The following GNAQ variants were observed in gnomAD, a reference collection of about 807,000 sequenced individuals.
GNAQ encodes the protein guanine nucleotide-binding protein G(q) subunit alpha.
In GNAQ, 8 loss-of-function variants were observed where a neutral mutation model predicts 43.9. That is an observed-to-expected ratio of 0.18 (90% confidence interval 0.11 to 0.33). The LOEUF is 0.33. Among genes scored for constraint, GNAQ ranks in the 10% least tolerant of loss-of-function variants. The pLI is 1.00. For synonymous variants in GNAQ, 155 were observed against 170.7 expected (o/e 0.91, Z 0.71); for missense variants, 158 against 450.8 (o/e 0.35, Z 5.88).
chr9:77,755,044 G>A (rs571084307), intron 5 of GNAQ, among the ~76,000 whole-genome samples: 55 of 152,246 alleles, frequency 3.6e-4, no homozygotes, highest in Admixed American at 7.2e-4. Context: ...GAGTACTACT[G>A]TGCCTTAAAA....
chr9:78,001,064 C>A (rs1823637416), intron 1 of GNAQ, among the ~76,000 whole-genome samples: 1 of 152,126 alleles, frequency 6.6e-6, no homozygotes, highest in African/African-American at 2.4e-5. Context: ...TTGACAACAA[C>A]TTCTATAAAA....
intron 2 of GNAQ, among the ~76,000 whole-genome samples, chr9:77,889,922 T>A (rs12343622): frequency 1.3e-5 from 2 of 152,192 alleles, no homozygotes; most frequent in Non-Finnish European, 1.5e-5. Flanking sequence ...TCCGAAATGT[T>A]TGTCAAAGTC....
At chr9:77,986,206 T>C (rs1823434015) in intron 1 of GNAQ, among the ~76,000 whole-genome samples, 1 of 152,200 alleles carries the variant, frequency 6.6e-6, no homozygotes, top group South Asian at 2.1e-4. Context: ...GCTGTTTACA[T>C]ACAGATTTCC....
chr9:77,814,030 A>T (rs993888198), intron 3 of GNAQ, among the ~76,000 whole-genome samples: 5 of 152,112 alleles, frequency 3.3e-5, no homozygotes, highest in Non-Finnish European at 7.4e-5. Context: ...CAGACAGGAG[A>T]GACATAATGA....
chr9:77,763,685 T>A (rs919801064), intron 5 of GNAQ, among the ~76,000 whole-genome samples: 3 of 152,244 alleles, frequency 2.0e-5, no homozygotes, highest in African/African-American at 7.2e-5. Context: ...TTACTGTGAA[T>A]ACGACTGAGC....
chr9:77,838,186 C>T (rs1187490536), intron 2 of GNAQ, among the ~76,000 whole-genome samples: 1 of 143,942 alleles, frequency 6.9e-6, no homozygotes, highest in East Asian at 2.1e-4. Context: ...TCTTGTTGCC[C>T]AAGCTGGAGT....
intron 2 of GNAQ, among the ~76,000 whole-genome samples, chr9:77,889,014 T>G (rs944372271): frequency 2.8e-4 from 42 of 152,174 alleles, no homozygotes; most frequent in African/African-American, 1.0e-3. Flanking sequence ...CCCAGTTTCC[T>G]TTGAAGCACC....
At chr9:77,758,230 TTC>T (rs1398211337) in intron 5 of GNAQ, among the ~76,000 whole-genome samples, 1 of 152,228 alleles carries the variant, frequency 6.6e-6, no homozygotes, top group African/African-American at 2.4e-5. Flanking sequence ...AAATTAGTCT[TTC>T]CTCAAATTAA....
At chr9:77,976,049 G>C (rs188754003) in intron 1 of GNAQ, among the ~76,000 whole-genome samples, 129 of 152,300 alleles carry the variant, frequency 8.5e-4, no homozygotes, top group African/African-American at 3.0e-3. Flanking sequence ...TGTTATGCCA[G>C]TTGCTAGCAA....
At chr9:77,894,990 C>T (rs917824672) in intron 2 of GNAQ, among the ~76,000 whole-genome samples, 4 of 151,326 alleles carry the variant, frequency 2.6e-5, no homozygotes, top group African/African-American at 9.7e-5. Context: ...GAGATTGAGA[C>T]CATCTTGGCT....
intron 5 of GNAQ, among the ~76,000 whole-genome samples, chr9:77,748,291 A>G (rs1162590436): frequency 6.6e-6 from 1 of 152,226 alleles, no homozygotes; most frequent in African/African-American, 2.4e-5. Context: ...ATTTCAAAGT[A>G]CTGAAAACCT....
intron 4 of GNAQ, among the ~76,000 whole-genome samples, chr9:77,795,331 C>T (rs1826640340): frequency 6.6e-6 from 1 of 152,174 alleles, no homozygotes; most frequent in South Asian, 2.1e-4. Flanking sequence ...CCAACACTGA[C>T]ATCAATTAAT....
chr9:77,811,019 G>C (rs1185639706), intron 3 of GNAQ, among the ~76,000 whole-genome samples: 2 of 152,080 alleles, frequency 1.3e-5, no homozygotes, highest in Non-Finnish European at 2.9e-5. Flanking sequence ...CGCTTGCACT[G>C]AATCTCACAA....
chr9:77,776,626 A>C (rs1043179826), intron 5 of GNAQ, among the ~76,000 whole-genome samples: 4 of 152,218 alleles, frequency 2.6e-5, no homozygotes, highest in Non-Finnish European at 5.9e-5. Flanking sequence ...AGAAACAGAC[A>C]ATTCAACAAC....
intron 5 of GNAQ, among the ~76,000 whole-genome samples, chr9:77,789,194 A>T (rs1826528865): frequency 6.6e-6 from 1 of 152,174 alleles, no homozygotes; most frequent in South Asian, 2.1e-4. Flanking sequence ...ATTTTATCCC[A>T]CTGGGCATGG....
At chr9:77,804,277 A>G (rs887484232) in intron 3 of GNAQ, among the ~76,000 whole-genome samples, 4 of 152,228 alleles carry the variant, frequency 2.6e-5, no homozygotes, top group African/African-American at 9.6e-5. Context: ...TAAAAATTCA[A>G]GTGCTTTGTT....
intron 2 of GNAQ, among the ~76,000 whole-genome samples, chr9:77,854,729 G>A (rs767296894): frequency 2.6e-5 from 4 of 152,126 alleles, no homozygotes; most frequent in Non-Finnish European, 5.9e-5. Context: ...AACTCTGCTG[G>A]AGCAGTGTAC....
In GNAQ at chr9:77,720,734, CTA is replaced by C. The variant is rs997424524; in HGVS notation, c.*587_*588del. ...ACAGTATATTCTATTAAAAAAGAAA[CTA>C]TGTGTGTATCCAAAGCAACACATTT... On this transcript the variant is annotated 3_prime_UTR_variant, in exon 7 of 7. Transcript: ENST00000286548. 1.7e-5 allele frequency: 4 copies of C among 233,306 alleles called. No individual in the cohort carries two copies. The highest frequency in any genetic ancestry group is 3.4e-5 in the Non-Finnish European group (4 of 117,944). The allele number at this position is 233,306 out of a possible 1,614,324, so 14.5% of individuals were successfully genotyped here. A position where few individuals can be genotyped will look rare whatever the true frequency, so the allele number is the denominator to read the frequency against.
chr9:77,821,724 G>GGTGTGTGTGTGTGTGTGTGTGT (rs1554718670), intron 2 of GNAQ, among the ~76,000 whole-genome samples: 4 of 142,308 alleles, frequency 2.8e-5, no homozygotes, highest in African/African-American at 1.1e-4. Context: ...TCCTAGTATG[G>GGTGTGTGTGTGTGTGTGTGTGT]GTGTGTGTGT....
Sources: gnomAD v4.1 joint callset for allele counts (sites outside exome capture counted in the v4.1 genomes callset) on GRCh38, gnomAD v4.1.1 for gene constraint, MANE v1.5 for transcripts, NCBI Gene and HGNC (gene_info 2026-07-23, HGNC 2026-07-21) for gene names.